Variants in DST observed in about 807,000 individuals in gnomAD.
DST encodes dystonin, also known as bullous pemphigoid antigen.
In DST, 253 loss-of-function variants were observed where a neutral mutation model predicts 875.2. The observed-to-expected ratio is 0.29, with a 90% CI of 0.26 to 0.32. DST has a LOEUF of 0.32. DST is among the 10% of genes least tolerant of loss of function. The pLI is 1.00. For synonymous variants in DST, 3,124 were observed against 3,197.1 expected, an observed-to-expected ratio of 0.98 and a Z score of 0.77; for missense variants, 8,287 against 9,111.6, an observed-to-expected ratio of 0.91 and a Z score of 3.68.
intron 22 of DST, among the ~76,000 whole-genome samples, chr6:56,638,330 A>G (rs2098845533): frequency 6.6e-6 from 1 of 152,144 alleles, no homozygotes; most frequent in African/African-American, 2.4e-5. Context: ...TAACATTCAT[A>G]TGTGACATTT....
intron 15 of DST, chr6:56,642,860 C>G (rs971976046): frequency 6.2e-7 from 1 of 1,606,112 alleles, no homozygotes; most frequent in African/African-American, 1.3e-5. Context: ...CTGGAAAAAG[C>G]TCTACTTCTA....
intron 9 of DST, among the ~76,000 whole-genome samples, chr6:56,686,857 A>T (rs1009111447): frequency 8.5e-5 from 13 of 152,234 alleles, no homozygotes; most frequent in Admixed American, 2.0e-4. Context: ...TAAGTTATAA[A>T]GCACTTTACA....
At chr6:56,864,781 A>G (rs1355542550) in intron 3 of DST, among the ~76,000 whole-genome samples, 1 of 152,236 alleles carries the variant, frequency 6.6e-6, no homozygotes, top group Non-Finnish European at 1.5e-5. Flanking sequence ...CTAGATATCG[A>G]GTACTTAGAA....
At chr6:56,561,572 T>C (rs2097536077) in intron 56 of DST, 23 bp from the exon 57 acceptor site, 8 of 1,587,080 alleles carry the variant, frequency 5.0e-6, no homozygotes, top group Middle Eastern at 1.7e-4. Flanking sequence ...AAAACAACTA[T>C]ACTGACACAT....
chr6:56,930,618 A>G (rs960413111), intron 2 of DST, among the ~76,000 whole-genome samples: 2 of 152,206 alleles, frequency 1.3e-5, no homozygotes, highest in African/African-American at 4.8e-5. Flanking sequence ...GAGAGTATCC[A>G]CTTGAAGCTA....
chr6:56,953,727 T>C (rs1823595774), intron 2 of DST, 58 bp downstream of exon 2: 3 of 1,224,990 alleles, frequency 2.4e-6, no homozygotes, highest in Non-Finnish European at 3.3e-6. Flanking sequence ...ATAATTAATA[T>C]TGGTACTCAG....
intron 4 of DST, among the ~76,000 whole-genome samples, chr6:56,776,310 G>C (rs1487011289): frequency 6.6e-6 from 1 of 152,154 alleles, no homozygotes; most frequent in African/African-American, 2.4e-5. Context: ...GAAGACTACA[G>C]AGACATGACA....
intron 16 of DST, 37 bp downstream of exon 16, chr6:56,642,373 T>G (rs756083414): frequency 1.4e-6 from 2 of 1,453,818 alleles, no homozygotes; most frequent in South Asian, 2.3e-5. Context: ...CAGTGACTCC[T>G]CTACCACAAC....
chr6:56,601,469 G>C lies in DST; in HGVS notation c.11515C>G (p.Leu3839Val), dbSNP rs1249157948. ...TTCTGATCATCAAGATCTTGTTCTA[G>C]ATGTAACTGAGTCTCTAAACGTTCC... ...QVERLETQLH[L>V]EQDLDDQKIV... Residue 3839 changes from leucine (L) to valine (V), a missense_variant, in exon 44 of 104, where the codon CTA becomes GTA. Transcript: ENST00000680361. The C allele has an allele frequency of 1.2e-6, 2 of 1,600,022 alleles. No individual in the cohort carries two copies. Among genetic ancestry groups the C allele is most frequent in the African/African-American group, 1.3e-5 (1 of 74,684 alleles).
At chr6:56,882,782 T>C (rs1035812118) in intron 3 of DST, among the ~76,000 whole-genome samples, 1 of 152,226 alleles carries the variant, frequency 6.6e-6, no homozygotes. Context: ...AATGGAAGAA[T>C]TCTATTTACT....
chr6:56,711,954 A>G (rs1009576860), intron 5 of DST, among the ~76,000 whole-genome samples: 33 of 150,356 alleles, frequency 2.2e-4, no homozygotes, highest in Middle Eastern at 3.4e-3. Context: ...AGCCGGGCGT[A>G]GTGGCGGGCG....
intron 10 of DST, among the ~76,000 whole-genome samples, chr6:56,653,978 T>C (rs2098990328): frequency 6.6e-6 from 1 of 152,212 alleles, no homozygotes; most frequent in Non-Finnish European, 1.5e-5. Flanking sequence ...AACATCTTTT[T>C]GTGGAATGTT....
chr6:56,841,844 C>G (rs1359724732), intron 4 of DST, among the ~76,000 whole-genome samples: 6 of 97,706 alleles, frequency 6.1e-5, no homozygotes, highest in Non-Finnish European at 1.3e-4. Flanking sequence ...CACCCACATA[C>G]ACACACACAC....
At chr6:56,615,224 G>T in intron 36 of DST, 1 of 1,188,162 alleles carries the variant, frequency 8.4e-7, no homozygotes, top group Non-Finnish European at 1.1e-6. Flanking sequence ...TGTGAACTTG[G>T]AGTTCATCAA....
At position 56,459,689 on chromosome 6, in the gene DST, T is replaced by A. The variant is rs189994065; in HGVS notation, c.23195-422A>T. Among the ~76,000 whole-genome samples the A allele has an allele frequency of 5.8e-3, 881 of 152,282 alleles. 6 individuals are homozygous for A. The highest frequency in any genetic ancestry group is 8.7e-3 in the Non-Finnish European group (595 of 68,020). On this transcript the variant is annotated intron_variant, in intron 103 of 103. Coordinates refer to ENST00000680361, the MANE Select transcript of DST (RefSeq NM_001374736.1). ...TCCAAGAATGTAGGAATTCAACAGA[T>A]GAGATTGGAAACTTTAAAGAGGCTT... is the stretch of plus-strand genomic sequence containing the variant.
At position 56,833,321 on chromosome 6, in the gene DST, T is replaced by C. The variant is rs910200761; in HGVS notation, c.625+18076A>G. On this transcript the variant is annotated intron_variant, in intron 4 of 103. Transcript: ENST00000680361. The stretch of plus-strand genomic sequence containing the variant: ...AAGAGGCAACAGTGTGAAACTGTGT[T>C]TGTGGATACTGTATACATATAGCAC... 2.0e-5 allele frequency among the ~76,000 whole-genome samples: 3 copies of C among 152,350 alleles called. 1 individual carries two copies. The highest frequency in any genetic ancestry group is 4.4e-5 in the Non-Finnish European group (3 of 68,032).
intron 49 of DST, among the ~76,000 whole-genome samples, chr6:56,582,817 T>G (rs2098044453): frequency 6.6e-6 from 1 of 152,034 alleles, no homozygotes; most frequent in African/African-American, 2.4e-5. Flanking sequence ...CATTGTTCAA[T>G]TCCCACCTAT....
intron 3 of DST, among the ~76,000 whole-genome samples, chr6:56,867,434 T>C (rs1404810054): frequency 6.6e-6 from 1 of 152,226 alleles, no homozygotes; most frequent in Non-Finnish European, 1.5e-5. Context: ...GTCTCATTTA[T>C]GGTTATCTCT....
intron 71 of DST, 116 bp downstream of exon 71, chr6:56,517,082 T>C: frequency 1.3e-6 from 1 of 760,874 alleles, no homozygotes; most frequent in South Asian, 1.5e-5. Flanking sequence ...AAACTAATTA[T>C]TTTTGCTGCT....
Sources: gnomAD v4.1 joint callset for allele counts (sites outside exome capture counted in the v4.1 genomes callset) on GRCh38, gnomAD v4.1.1 for gene constraint, MANE v1.5 for transcripts, NCBI Gene and HGNC (gene_info 2026-07-23, HGNC 2026-07-21) for gene names.